The following GRK3 variants were observed in gnomAD, a reference collection of about 807,000 sequenced individuals.
GRK3 encodes adrenergic, beta, receptor kinase 2.
GRK3 carries 54 observed loss-of-function variants against 95.7 expected under a neutral mutation model. That is an observed-to-expected ratio of 0.56 (90% CI 0.45 to 0.71). GRK3 has a LOEUF of 0.71. Among genes scored for constraint, GRK3 ranks in the 30% least tolerant of loss-of-function variants. GRK3 has a pLI of 0.00. For missense variants in GRK3, 649 were observed against 851.2 expected, an observed-to-expected ratio of 0.76 and a Z score of 2.96; for synonymous variants, 281 against 290.8, an observed-to-expected ratio of 0.97 and a Z score of 0.34.
At chr22:25,683,124 AAT>A (rs1311087922) in intron 9 of GRK3, among the ~76,000 whole-genome samples, 2 of 152,268 alleles carry the variant, frequency 1.3e-5, no homozygotes, top group Non-Finnish European at 2.9e-5. Context: ...TTGTAAAGAA[AAT>A]AAGCAAAGAA....
chr22:25,695,874 T>G lies in GRK3; in HGVS notation c.1160+660T>G, dbSNP rs181271251. On this transcript the variant is annotated intron_variant, in intron 13 of 20. Transcript: ENST00000324198. ...TTTTTTTGAGACGTCTCGCTCTGTC[T>G]CCCAGGCTGGAGTGCAGTGGCACAT... Among the ~76,000 whole-genome samples the G allele has an allele frequency of 1.6e-3, 242 of 147,826 alleles. 2 individuals carry two copies. The Middle Eastern group carries it at 0.021, about 13-fold the overall frequency.
chr22:25,649,163 A>G (rs2084809798), intron 3 of GRK3: 5 of 1,389,770 alleles, frequency 3.6e-6, no homozygotes, highest in South Asian at 3.5e-5. Context: ...CAACATTTGA[A>G]TATGTTCAGT....
rs572040886 is a variant in GRK3, at chr22:25,585,264, T to C, written c.114-19113T>C. On this transcript the variant is annotated intron_variant, in intron 1 of 20. Transcript: ENST00000324198. Reference sequence around the variant, plus strand: ...AGTAGCATGTTTCACTCACATTCCATTGGCGTGTGCTAGGACCTGTGACTA... The same window carrying C: ...AGTAGCATGTTTCACTCACATTCCACTGGCGTGTGCTAGGACCTGTGACTA... Among the ~76,000 whole-genome samples, 1,050 of 152,310 alleles carry C rather than the reference T, an allele frequency of 6.9e-3. 6 individuals are homozygous for C. Among genetic ancestry groups the C allele is most frequent in the African/African-American group, 0.023 (947 of 41,528 alleles).
At chr22:25,592,808 C>A (rs539824629) in intron 1 of GRK3, among the ~76,000 whole-genome samples, 19 of 151,270 alleles carry the variant, frequency 1.3e-4, no homozygotes, top group African/African-American at 3.7e-4. Flanking sequence ...TTCCCTCCCT[C>A]CCCCGCCATT....
At chr22:25,704,341 C>T in intron 15 of GRK3, 132 bp downstream of exon 15, 1 of 636,880 alleles carries the variant, frequency 1.6e-6, no homozygotes, top group Non-Finnish European at 2.8e-6. Flanking sequence ...AAAAATAAAT[C>T]ACATGGGAAA....
At chr22:25,718,117 G>T in intron 18 of GRK3, 128 bp from the exon 19 acceptor site, 1 of 1,021,592 alleles carries the variant, frequency 9.8e-7, no homozygotes, top group Admixed American at 2.3e-5. Context: ...CGTGACTTCT[G>T]TAATGCGTTC....
At chr22:25,687,227 A>G (rs893874731) in intron 10 of GRK3, among the ~76,000 whole-genome samples, 2 of 151,772 alleles carry the variant, frequency 1.3e-5, no homozygotes, top group African/African-American at 4.8e-5. Flanking sequence ...ACTAGGATTT[A>G]GGTAATCAAA....
intron 10 of GRK3, among the ~76,000 whole-genome samples, chr22:25,685,970 C>T (rs756798923): frequency 7.3e-5 from 11 of 151,570 alleles, no homozygotes; most frequent in Non-Finnish European, 1.5e-4. Flanking sequence ...CCTGTAATCC[C>T]AGCACTTTGG....
chr22:25,714,671 C>A (rs1433953112), intron 18 of GRK3, 101 bp downstream of exon 18: 3 of 1,163,074 alleles, frequency 2.6e-6, no homozygotes, highest in Non-Finnish European at 3.6e-6. Context: ...ATTTTGCAGT[C>A]GAGAAGAAAG....
intron 17 of GRK3, among the ~76,000 whole-genome samples, chr22:25,711,645 G>A (rs1286022087): frequency 6.6e-6 from 1 of 151,672 alleles, no homozygotes. Flanking sequence ...TGTTCATATC[G>A]TTATTCCCCC....
At chr22:25,633,223 A>G (rs906717044) in intron 2 of GRK3, among the ~76,000 whole-genome samples, 1 of 152,170 alleles carries the variant, frequency 6.6e-6, no homozygotes, top group South Asian at 2.1e-4. Context: ...GGCCTATAAT[A>G]TATCTTGAAC....
intron 8 of GRK3, 95 bp downstream of exon 8, chr22:25,674,623 G>A: frequency 1.0e-6 from 1 of 973,236 alleles, no homozygotes; most frequent in East Asian, 2.6e-5. Flanking sequence ...GGAAACCTAT[G>A]ACATTTCTTT....
At chr22:25,710,063 G>A (rs2085332051) in intron 16 of GRK3, 99 bp downstream of exon 16, 1 of 894,046 alleles carries the variant, frequency 1.1e-6, no homozygotes, top group Non-Finnish European at 1.9e-6. Flanking sequence ...ATGCACTGCT[G>A]GCTTCCTGGC....
chr22:25,644,942 C>T lies in GRK3; in HGVS notation c.264+277C>T, dbSNP rs149465269. 7.0e-4 allele frequency among the ~76,000 whole-genome samples: 106 copies of T among 152,190 alleles called. 2 individuals are homozygous for T. The highest frequency in any genetic ancestry group is 2.5e-3 in the African/African-American group (105 of 41,506). On this transcript the variant is annotated intron_variant, in intron 3 of 20. Transcript: ENST00000324198. ...GATGGGAGGCTCATCCAGAGCTGCA[C>T]CAAGGAGGACCAGTTATTTTATTTT... is the stretch of plus-strand genomic sequence containing the variant.
intron 20 of GRK3, among the ~76,000 whole-genome samples, chr22:25,721,796 A>T (rs1333572999): frequency 6.6e-6 from 1 of 152,170 alleles, no homozygotes; most frequent in Non-Finnish European, 1.5e-5. Flanking sequence ...TTACATTGTA[A>T]CACAAATTTC....
chr22:25,705,703 A>G (rs1234970409), intron 15 of GRK3, among the ~76,000 whole-genome samples: 2 of 152,158 alleles, frequency 1.3e-5, no homozygotes, highest in Non-Finnish European at 2.9e-5. Flanking sequence ...TGCAGCTGCA[A>G]TGAAAAAGAG....
At chr22:25,571,102 T>C (rs1931685305) in intron 1 of GRK3, among the ~76,000 whole-genome samples, 1 of 152,196 alleles carries the variant, frequency 6.6e-6, no homozygotes, top group Non-Finnish European at 1.5e-5. Flanking sequence ...TCTCCTGCAG[T>C]TTCAGGAGCA....
At chr22:25,580,064 A>G (rs1246040884) in intron 1 of GRK3, among the ~76,000 whole-genome samples, 1 of 152,160 alleles carries the variant, frequency 6.6e-6, no homozygotes, top group Non-Finnish European at 1.5e-5. Flanking sequence ...CTGCCCCCAA[A>G]TGGTGGACTT....
rs186701146 is a variant in GRK3, at chr22:25,577,292, C to G, written c.113+12139C>G. Among the ~76,000 whole-genome samples, 444 of 152,188 alleles carry G rather than the reference C, an allele frequency of 2.9e-3. 5 individuals carry two copies. The Middle Eastern group carries it at 0.031, about 10-fold the overall frequency. ...GGTTCAACTGATTCTCCTGCCTCAG[C>G]CTCCTGAGTAGCTGGGACTACAGAT... On this transcript the variant is annotated intron_variant, in intron 1 of 20. Transcript: ENST00000324198.
Sources: allele counts gnomAD v4.1 joint callset (sites outside exome capture counted in the v4.1 genomes callset), GRCh38; gene constraint gnomAD v4.1.1; transcripts MANE v1.5; gene names NCBI Gene and HGNC (gene_info 2026-07-23, HGNC 2026-07-21).